The following FARP2 variants were observed in gnomAD, a reference collection of about 807,000 sequenced individuals.
FARP2 encodes FERM, ARHGEF and pleckstrin domain-containing protein 2.
A neutral mutation model predicts 130.5 loss-of-function variants in FARP2; 111 were observed. The observed-to-expected ratio is 0.85, with a 90% CI of 0.73 to 1.00. FARP2 has a LOEUF of 1.00. Among genes scored for constraint, FARP2 ranks in the 50% least tolerant of loss-of-function variants. The pLI, the probability that FARP2 is intolerant of heterozygous loss-of-function variation, is 0.00. For missense variants in FARP2, 1,385 were observed against 1,346.3 expected (o/e 1.03, Z -0.45); for synonymous variants, 504 against 516.9 (o/e 0.98, Z 0.34).
intron 4 of FARP2, among the ~76,000 whole-genome samples, chr2:241,406,847 G>A (rs538248627): frequency 2.2e-4 from 33 of 151,646 alleles, no homozygotes; most frequent in Non-Finnish European, 3.5e-4. Context: ...TCGCTCTGTC[G>A]CCCAGACTGG....
intron 1 of FARP2, among the ~76,000 whole-genome samples, chr2:241,363,336 C>G (rs2061232230): frequency 6.6e-6 from 1 of 152,198 alleles, no homozygotes; most frequent in Admixed American, 6.5e-5. Flanking sequence ...TGGGGAAAAC[C>G]CCAGTTGCCT....
intron 12 of FARP2, among the ~76,000 whole-genome samples, chr2:241,436,985 C>CA (rs889654312): frequency 1.5e-4 from 22 of 151,426 alleles, no homozygotes; most frequent in African/African-American, 5.3e-4. Context: ...GATCCTGTCT[C>CA]AAAAAAAAGA....
intron 21 of FARP2, chr2:241,488,652 G>T (rs10084417): frequency 5.9e-5 from 9 of 151,990 alleles, no homozygotes; most frequent in African/African-American, 2.2e-4. Context: ...CGCCCGCCTC[G>T]GCCTCCCAAA....
intron 9 of FARP2, 110 bp from the exon 10 acceptor site, chr2:241,434,048 A>G: frequency 2.3e-6 from 2 of 857,808 alleles, no homozygotes; most frequent in Non-Finnish European, 3.6e-6. Context: ...AAAAAACCTT[A>G]CTGATTTTTA....
chr2:241,409,244 A>AT (rs1373404359), intron 5 of FARP2, among the ~76,000 whole-genome samples: 5 of 152,028 alleles, frequency 3.3e-5, no homozygotes, highest in East Asian at 3.9e-4. Flanking sequence ...TGGTAAAAGA[A>AT]TTTTTTTTCC....
intron 1 of FARP2, among the ~76,000 whole-genome samples, chr2:241,370,620 T>A (rs531364995): frequency 3.3e-5 from 5 of 152,342 alleles, no homozygotes; most frequent in Admixed American, 1.3e-4. Context: ...AGTAAAAGTT[T>A]GTGGAACTGA....
At chr2:241,478,993 A>G in intron 19 of FARP2, 1 of 495,390 alleles carries the variant, frequency 2.0e-6, no homozygotes, top group Non-Finnish European at 3.8e-6. Flanking sequence ...CAAGGATGTG[A>G]GGGACACAGT....
chr2:241,441,644 G>A (rs780209782), intron 13 of FARP2, 88 bp downstream of exon 13: 3 of 1,565,460 alleles, frequency 1.9e-6, no homozygotes, highest in Non-Finnish European at 1.8e-6. Flanking sequence ...GACACAGGGA[G>A]GGCCGGTAGG....
chr2:241,447,903 G>A (rs757072827), intron 13 of FARP2, among the ~76,000 whole-genome samples: 6 of 152,184 alleles, frequency 3.9e-5, no homozygotes, highest in Non-Finnish European at 7.3e-5. Flanking sequence ...GATGTCAGGC[G>A]CCTCTGGGAA....
intron 11 of FARP2, among the ~76,000 whole-genome samples, chr2:241,435,907 A>C (rs1442323361): frequency 7.3e-6 from 1 of 136,270 alleles, no homozygotes; most frequent in Non-Finnish European, 1.6e-5. Context: ...TAGTATAGTA[A>C]ATTTTTTTTT....
intron 14 of FARP2, among the ~76,000 whole-genome samples, 162 bp downstream of exon 14, chr2:241,457,084 C>T (rs961217621): frequency 1.3e-5 from 2 of 152,176 alleles, no homozygotes; most frequent in Non-Finnish European, 1.5e-5. Context: ...GGTACTGGGC[C>T]GCCTTCCCTA....
intron 2 of FARP2, among the ~76,000 whole-genome samples, chr2:241,393,564 A>G (rs1391384454): frequency 1.3e-5 from 2 of 152,212 alleles, no homozygotes; most frequent in African/African-American, 4.8e-5. Flanking sequence ...AATCTTAAGT[A>G]ATGAAACTTA....
chr2:241,396,586 C>T lies in FARP2; in HGVS notation c.184-7242C>T, dbSNP rs553307581. Among the ~76,000 whole-genome samples, 107 of 152,280 alleles carry T rather than the reference C, an allele frequency of 7.0e-4. 2 individuals are homozygous for T. Among genetic ancestry groups the T allele is most frequent in the Middle Eastern group, 6.8e-3 (2 of 294 alleles). ...CAGCCAACAAACACATGAAAAAATGCTCATCATCACTGGCCATCAGAGAAA... is the reference window on the plus strand; with the variant it reads ...CAGCCAACAAACACATGAAAAAATGTTCATCATCACTGGCCATCAGAGAAA... On this transcript the variant is annotated intron_variant, in intron 2 of 26. Transcript: ENST00000264042.
At chr2:241,381,942 A>G (rs923079930) in intron 2 of FARP2, among the ~76,000 whole-genome samples, 4 of 152,188 alleles carry the variant, frequency 2.6e-5, no homozygotes, top group African/African-American at 9.7e-5. Context: ...AGACCAATCA[A>G]CGCCATCTCT....
At chr2:241,446,515 C>T (rs763857899) in intron 13 of FARP2, 4 of 152,156 alleles carry the variant, frequency 2.6e-5, no homozygotes, top group Non-Finnish European at 4.4e-5. Context: ...TGTAGCACTT[C>T]ACATGTGCTG....
intron 21 of FARP2, among the ~76,000 whole-genome samples, chr2:241,486,452 A>C: frequency 9.0e-6 from 1 of 110,648 alleles, no homozygotes. Context: ...ACAGAGTGAG[A>C]CCTCGTCTCA....
Position 241,397,060 on chromosome 2 carries a change from C to A in FARP2, c.184-6768C>A, listed in dbSNP as rs562452264. Among the ~76,000 whole-genome samples the A allele has an allele frequency of 2.6e-5, 4 of 152,280 alleles. No individual in the cohort carries two copies. In the South Asian group the frequency reaches 8.3e-4, roughly 32 times the overall value. ...GGACATGGGTGAAATTGGAAATCATCATTCTCAGTAAACTATCTCAAGGAC... is the reference window on the plus strand; with the variant it reads ...GGACATGGGTGAAATTGGAAATCATAATTCTCAGTAAACTATCTCAAGGAC... On this transcript the variant is annotated intron_variant, in intron 2 of 26. Coordinates refer to ENST00000264042, the MANE Select transcript of FARP2 (RefSeq NM_014808.4).
In FARP2 at chr2:241,468,286, G is replaced by A; in HGVS notation, c.2040G>A (p.Lys680=). The change falls in exon 18 of 27, where the codon AAG becomes AAA. Residue 680 remains lysine (K), a synonymous_variant. Coordinates refer to ENST00000264042, the MANE Select transcript of FARP2 (RefSeq NM_014808.4). ...CYLPLNTFLL[K]PIQRLLHYRL... Reference sequence around the variant, plus strand: ...TGCCTCTCAACACGTTCCTGCTGAAGCCCATCCAGCGGCTGCTGCACTACC... The same window carrying A: ...TGCCTCTCAACACGTTCCTGCTGAAACCCATCCAGCGGCTGCTGCACTACC... 6.2e-7 allele frequency: 1 copy of A among 1,613,862 alleles called. No homozygotes were observed. Among genetic ancestry groups the A allele is most frequent in the Admixed American group, 1.7e-5 (1 of 60,034 alleles).
intron 12 of FARP2, among the ~76,000 whole-genome samples, chr2:241,439,360 C>T (rs1388476551): frequency 4.0e-5 from 6 of 151,788 alleles, no homozygotes; most frequent in Admixed American, 6.6e-5. Context: ...GACAGAGTCT[C>T]GCTCTGTTGC....
Sources: gnomAD v4.1 joint callset for allele counts (sites outside exome capture counted in the v4.1 genomes callset) on GRCh38, gnomAD v4.1.1 for gene constraint, MANE v1.5 for transcripts, NCBI Gene and HGNC (gene_info 2026-07-23, HGNC 2026-07-21) for gene names.